The following RAB37 variants were observed in gnomAD, a reference collection of about 807,000 sequenced individuals.
RAB37 encodes RAB37, member RAS oncogene family, also known as ras-related protein Rab-37.
Under a neutral mutation model 33.1 loss-of-function variants are expected in RAB37, and 29 were observed. The observed-to-expected ratio is 0.88, with a 90% CI of 0.65 to 1.20. The LOEUF is 1.20. Ranked by LOEUF, RAB37 falls within the 50% of genes most tolerant of loss-of-function variation. The probability of loss-of-function intolerance (pLI) is 0.00; values close to 1 mark genes in which losing one functional copy is unlikely to be tolerated. For missense variants in RAB37, 299 were observed against 301.1 expected (o/e 0.99, Z 0.05); for synonymous variants, 128 against 119.5 (o/e 1.07, Z -0.47).
rs765627620 is a variant in RAB37, at chr17:74,744,352, G to T, written c.411G>T (p.Val137=). ...EIHEYAQRDV[V]IMLLGNKADM... ...ATGAGTATGCCCAGAGGGACGTGGT[G>T]ATCATGCTGCTAGGCAACAAGGTGA... The change falls in exon 6 of 9, where the codon GTG becomes GTT. Residue 137 remains valine (V), a synonymous_variant. Transcript: ENST00000392613. This position sits in a 1 kb window ranked among gnomAD's most constrained non-coding sequence, Gnocchi z 4.2. The T allele has an allele frequency of 1.9e-6, 3 of 1,614,122 alleles. 1 individual carries two copies. The South Asian group carries it at 3.3e-5, about 18-fold the overall frequency.
At chr17:74,740,553 A>G (rs2034587474) in intron 1 of RAB37, among the ~76,000 whole-genome samples, 1 of 152,156 alleles carries the variant, frequency 6.6e-6, no homozygotes, top group African/African-American at 2.4e-5. Flanking sequence ...TGAGGACAGG[A>G]GGGTCAGAGG....
intron 1 of RAB37, among the ~76,000 whole-genome samples, chr17:74,683,066 G>C (rs886200299): frequency 1.3e-5 from 2 of 152,184 alleles, no homozygotes; most frequent in African/African-American, 4.8e-5. Flanking sequence ...GAAATGAAGA[G>C]AACTTGTCAC....
At chr17:74,679,592 A>G (rs571723032) in intron 1 of RAB37, among the ~76,000 whole-genome samples, 1 of 152,368 alleles carries the variant, frequency 6.6e-6, no homozygotes, top group East Asian at 1.9e-4. Flanking sequence ...GAAACACTTT[A>G]ATATATGCCA....
At chr17:74,741,912 T>C (rs2034628300) in intron 2 of RAB37, among the ~76,000 whole-genome samples, 1 of 152,064 alleles carries the variant, frequency 6.6e-6, no homozygotes, top group African/African-American at 2.4e-5. Context: ...AAGGCTAGGC[T>C]CCAGGAGAGG....
At chr17:74,679,387 G>T (rs758366205) in intron 1 of RAB37, among the ~76,000 whole-genome samples, 1 of 151,976 alleles carries the variant, frequency 6.6e-6, no homozygotes, top group Non-Finnish European at 1.5e-5. Context: ...CTCCCTCCTC[G>T]CCTCCCCCAT....
At chr17:74,743,551 GT>G (rs2144086055) in intron 5 of RAB37, among the ~76,000 whole-genome samples, 1 of 152,306 alleles carries the variant, frequency 6.6e-6, no homozygotes, top group Non-Finnish European at 1.5e-5. Flanking sequence ...TTGTGACCCT[GT>G]GCCACCTGCA....
In RAB37 at chr17:74,744,187, G is replaced by A. The variant is rs1249102464; in HGVS notation, c.367-121G>A. Reference sequence around the variant, plus strand: ...GATGGGCCAGAACAAAGGTACAGATGAGAGAACGCACAGGGTATCGTGTTC... The same window carrying A: ...GATGGGCCAGAACAAAGGTACAGATAAGAGAACGCACAGGGTATCGTGTTC... On this transcript the variant is annotated intron_variant, in intron 5 of 8. Coordinates refer to ENST00000392613, the MANE Select transcript of RAB37 (RefSeq NM_001006638.3). This position sits in a 1 kb window ranked among gnomAD's most constrained non-coding sequence, Gnocchi z 4.2. 4 of 961,582 alleles carry A rather than the reference G, an allele frequency of 4.2e-6. No individual in the cohort carries two copies. The highest frequency in any genetic ancestry group is 3.3e-5 in the African/African-American group (2 of 61,418). 59.6% of individuals were successfully genotyped at this position (961,582 alleles called of 1,614,324 possible).
Position 74,671,333 on chromosome 17 carries a change from C to G in RAB37, c.-254C>G. 2 of 526,698 alleles carry G rather than the reference C, an allele frequency of 3.8e-6. No homozygotes were observed. Among genetic ancestry groups the G allele is most frequent in the Non-Finnish European group, 6.8e-6 (2 of 292,904 alleles). 32.6% of individuals were successfully genotyped at this position (526,698 alleles called of 1,614,324 possible). A position where few individuals can be genotyped will look rare whatever the true frequency, so the allele number is the denominator to read the frequency against. The stretch of plus-strand genomic sequence containing the variant: ...TTGGAGCGGACAGGATCTCAGAACT[C>G]TGGTCCCGGGCGCACAACGGCGGAG... On this transcript the variant is annotated 5_prime_UTR_variant, in exon 1 of 8. Transcript: ENST00000340415. This position sits in a 1 kb window ranked among gnomAD's most constrained non-coding sequence, Gnocchi z 5.0.
chr17:74,703,845 C>G (rs993171900), intron 1 of RAB37, among the ~76,000 whole-genome samples: 6 of 152,200 alleles, frequency 3.9e-5, no homozygotes, highest in Non-Finnish European at 7.3e-5. Context: ...GCACTGGGAC[C>G]CCTGAGCTAA....
chr17:74,743,041 T>G, intron 3 of RAB37, 88 bp from the exon 4 acceptor site: 1 of 1,176,344 alleles, frequency 8.5e-7, no homozygotes, highest in Non-Finnish European at 1.2e-6. Flanking sequence ...CCCACAGATA[T>G]CTCATACAAC....
At chr17:74,711,220 T>C (rs1238666523) in intron 1 of RAB37, among the ~76,000 whole-genome samples, 1 of 152,094 alleles carries the variant, frequency 6.6e-6, no homozygotes, top group Admixed American at 6.6e-5. Flanking sequence ...AGGTTCACAG[T>C]GGTATCCGGG....
upstream of RAB37, among the ~76,000 whole-genome samples, chr17:74,732,644 G>T (rs958032196): frequency 4.6e-5 from 6 of 130,184 alleles, no homozygotes; most frequent in African/African-American, 1.7e-4. Flanking sequence ...GGTGTGAGGT[G>T]TATGTGGTGT....
chr17:74,737,267 A>G lies in RAB37; in HGVS notation c.-6A>G, dbSNP rs765336528. The G allele has an allele frequency of 7.7e-6, 12 of 1,560,816 alleles. No homozygotes were observed. Among genetic ancestry groups the G allele is most frequent in the Admixed American group, 7.5e-5 (4 of 53,684 alleles). On this transcript the variant is annotated 5_prime_UTR_variant, in exon 1 of 9. Transcript: ENST00000392613. ...GGCCGGCACTGCTCACCTCTCGTCC[A>G]GGGACATGACGGGCACGCCAGGCGC...
chr17:74,736,340 G>C (rs1027391870), upstream of RAB37, among the ~76,000 whole-genome samples: 1 of 152,172 alleles, frequency 6.6e-6, no homozygotes, highest in African/African-American at 2.4e-5. Context: ...TGTGGAGATG[G>C]GGGTAATTGA....
rs963685644 is a variant in RAB37 at position 74,700,154 on chromosome 17, A to C, written c.72+28496A>C. 2.7e-5 allele frequency among the ~76,000 whole-genome samples: 4 copies of C among 150,098 alleles called. No homozygotes were observed. The East Asian group carries it at 8.0e-4, about 30-fold the overall frequency. ...AAGACCCTGTCTCAATAAATAAATAAATAAATAAATAAATAAACAAACAAA... is the reference window on the plus strand; with the variant it reads ...AAGACCCTGTCTCAATAAATAAATACATAAATAAATAAATAAACAAACAAA... On this transcript the variant is annotated intron_variant, in intron 1 of 7. Transcript: ENST00000340415.
chr17:74,724,309 T>A (rs2034278411), intron 1 of RAB37, among the ~76,000 whole-genome samples: 1 of 152,198 alleles, frequency 6.6e-6, no homozygotes, highest in African/African-American at 2.4e-5. Flanking sequence ...AGCTTCCAGA[T>A]CACAGATAGT....
chr17:74,712,020 T>TCAGCCTC (rs1306066686), intron 1 of RAB37, among the ~76,000 whole-genome samples: 3 of 150,698 alleles, frequency 2.0e-5, no homozygotes, highest in Non-Finnish European at 4.4e-5. Flanking sequence ...TCCTCATGCC[T>TCAGCCTC]CAGCCTCCAG....
At chr17:74,734,345 T>C (rs758390245), upstream of RAB37, among the ~76,000 whole-genome samples, 8 of 152,220 alleles carry the variant, frequency 5.3e-5, no homozygotes, top group Non-Finnish European at 1.0e-4. Flanking sequence ...CCTATATTAG[T>C]ATAACCTCAT....
chr17:74,704,946 C>T (rs949074415), intron 1 of RAB37: 19 of 738,798 alleles, frequency 2.6e-5, no homozygotes, highest in African/African-American at 7.0e-5. Flanking sequence ...ATACACCTTC[C>T]GCAGACAAAA....
Sources: gnomAD v4.1 joint callset for allele counts (sites outside exome capture counted in the v4.1 genomes callset) on GRCh38, gnomAD v4.1.1 for gene constraint, Gnocchi (gnomAD v3.1) non-coding constraint, MANE v1.5 for transcripts, NCBI Gene and HGNC (gene_info 2026-07-23, HGNC 2026-07-21) for gene names.